Variants in GRIK4 observed in about 807,000 individuals in gnomAD.
The protein encoded by GRIK4 is glutamate receptor ionotropic, kainate 4.
Under a neutral mutation model 104.9 loss-of-function variants are expected in GRIK4, and 40 were observed. The ratio of observed to expected loss-of-function variants is 0.38; its 90% CI spans 0.30 to 0.50. The LOEUF (loss-of-function observed/expected upper bound fraction) is 0.50. GRIK4 is among the 20% of genes least tolerant of loss of function. The probability of loss-of-function intolerance (pLI) is 0.93; values close to 1 mark genes in which losing one functional copy is unlikely to be tolerated. For synonymous variants in GRIK4, 485 were observed against 524.9 expected (o/e 0.92, Z 1.04); for missense variants, 1,047 against 1,308.1 (o/e 0.80, Z 3.08).
At chr11:120,680,764 G>A (rs1248412890) in intron 3 of GRIK4, among the ~76,000 whole-genome samples, 1 of 152,212 alleles carries the variant, frequency 6.6e-6, no homozygotes, top group East Asian at 1.9e-4. Flanking sequence ...GAACATGCTG[G>A]ATAGAGGCGA....
chr11:120,589,955 A>G (rs1948714939), intron 1 of GRIK4, among the ~76,000 whole-genome samples: 5 of 152,136 alleles, frequency 3.3e-5, no homozygotes, highest in Admixed American at 3.3e-4. Flanking sequence ...GAGGGAGGTG[A>G]GGGTTGCAGG....
At chr11:120,528,934 TGAGCA>T (rs1184554746) in intron 1 of GRIK4, among the ~76,000 whole-genome samples, 1 of 152,178 alleles carries the variant, frequency 6.6e-6, no homozygotes, top group Non-Finnish European at 1.5e-5. Flanking sequence ...CACCATCTAT[TGAGCA>T]TGTGCCCATC....
At chr11:120,633,785 G>A (rs995664911) in intron 1 of GRIK4, among the ~76,000 whole-genome samples, 1 of 152,140 alleles carries the variant, frequency 6.6e-6, no homozygotes, top group African/African-American at 2.4e-5. Flanking sequence ...GGGTTTGCTG[G>A]GGAGAACCAA....
Position 120,953,080 on chromosome 11 carries a change from G to A in GRIK4, c.1700+116G>A. The A allele has an allele frequency of 1.5e-6, 1 of 685,402 alleles. No individual in the cohort carries two copies. Among genetic ancestry groups the A allele is most frequent in the Non-Finnish European group, 2.6e-6 (1 of 391,612 alleles). 42.5% of individuals were successfully genotyped at this position (685,402 alleles called of 1,614,324 possible). A position where few individuals can be genotyped will look rare whatever the true frequency, so the allele number is the denominator to read the frequency against. Reference sequence around the variant, plus strand: ...GGGAGGAGGAGTTGGGAAGATCTTGGTGCCAAACTAGAAGGACAGGAGAAG... The same window carrying A: ...GGGAGGAGGAGTTGGGAAGATCTTGATGCCAAACTAGAAGGACAGGAGAAG... On this transcript the variant is annotated intron_variant, in intron 15 of 20. Coordinates refer to ENST00000527524, the MANE Select transcript of GRIK4 (RefSeq NM_014619.5). The surrounding 1 kb of genome is among the most constrained non-coding windows in gnomAD (Gnocchi z 4.9).
Position 120,557,935 on chromosome 11 carries a change from G to A in GRIK4, c.-159+46048G>A, listed in dbSNP as rs375013409. Among the ~76,000 whole-genome samples, 73 of 150,526 alleles carry A rather than the reference G, an allele frequency of 4.8e-4. No individual in the cohort carries two copies. In the East Asian group the frequency reaches 8.1e-3, roughly 17 times the overall value. On this transcript the variant is annotated intron_variant, in intron 1 of 20. Coordinates refer to ENST00000527524, the MANE Select transcript of GRIK4 (RefSeq NM_014619.5). ...CGGGAGGCTGAGGCAGGAGAATGGC[G>A]TGAACCAGGGAGGCGGAGCTTGCAG... is the stretch of plus-strand genomic sequence containing the variant.
intron 8 of GRIK4, chr11:120,858,788 A>G (rs770883771): frequency 9.8e-5 from 15 of 152,296 alleles, no homozygotes; most frequent in Admixed American, 5.2e-4. Flanking sequence ...CTTTTAGACA[A>G]TAGTCTTCAA....
chr11:120,943,006 G>GCTAGAAATTCTAGC (rs1672164227), intron 14 of GRIK4, among the ~76,000 whole-genome samples: 1 of 151,886 alleles, frequency 6.6e-6, no homozygotes, highest in African/African-American at 2.4e-5. Flanking sequence ...GAGTTTCTAG[G>GCTAGAAATTCTAGC]CTGCCTGCCT....
chr11:120,559,080 G>C (rs897883517), intron 1 of GRIK4, among the ~76,000 whole-genome samples: 1 of 152,172 alleles, frequency 6.6e-6, no homozygotes, highest in East Asian at 1.9e-4. Flanking sequence ...CTCAGCTGGG[G>C]GTTGGCTGCT....
At chr11:120,784,226 C>T (rs967186535) in intron 3 of GRIK4, among the ~76,000 whole-genome samples, 1 of 152,192 alleles carries the variant, frequency 6.6e-6, no homozygotes, top group African/African-American at 2.4e-5. Flanking sequence ...GACTCGGAAC[C>T]CCCGTGTCCT....
rs550448871 is a variant in GRIK4 at position 120,953,852 on chromosome 11, A to C, written c.1700+888A>C. On this transcript the variant is annotated intron_variant, in intron 15 of 20. Transcript: ENST00000527524. The surrounding 1 kb of genome is among the most constrained non-coding windows in gnomAD (Gnocchi z 4.9). ...CTCACTCAGGTCCCTAGTGCTGCTA[A>C]CCCTCCACTTACTGCAGTGGAGGCT... Among the ~76,000 whole-genome samples, 1 of 152,238 alleles carries C rather than the reference A, an allele frequency of 6.6e-6. No individual in the cohort carries two copies. Among genetic ancestry groups the C allele is most frequent in the African/African-American group, 2.4e-5 (1 of 41,532 alleles).
intron 12 of GRIK4, among the ~76,000 whole-genome samples, chr11:120,901,344 T>C (rs1032466622): frequency 1.1e-4 from 17 of 149,624 alleles, no homozygotes; most frequent in African/African-American, 4.2e-4. Context: ...ATCCTGCCCC[T>C]CCCTGCCTTG....
chr11:120,874,267 G>A (rs1386358093), intron 10 of GRIK4, 49 bp downstream of exon 10: 2 of 1,501,226 alleles, frequency 1.3e-6, no homozygotes, highest in South Asian at 2.3e-5. Context: ...CTAGTGGGGT[G>A]GGACACTTGG....
intron 3 of GRIK4, among the ~76,000 whole-genome samples, chr11:120,756,684 C>T (rs1476026168): frequency 6.6e-6 from 1 of 152,140 alleles, no homozygotes; most frequent in Non-Finnish European, 1.5e-5. Flanking sequence ...CCATATTTTC[C>T]ATTGATCTAT....
intron 1 of GRIK4, among the ~76,000 whole-genome samples, chr11:120,536,546 T>C (rs1947977822): frequency 6.6e-6 from 1 of 152,210 alleles, no homozygotes; most frequent in Non-Finnish European, 1.5e-5. Context: ...TATCTGTTTA[T>C]TTATTCAGGT....
intron 13 of GRIK4, among the ~76,000 whole-genome samples, chr11:120,929,266 CAT>C (rs901798342): frequency 2.0e-5 from 3 of 152,086 alleles, no homozygotes; most frequent in Non-Finnish European, 4.4e-5. Context: ...CAGCCTGACT[CAT>C]GTGGCAGGAG....
chr11:120,986,573 T>G lies in GRIK4; in HGVS notation c.*313T>G. The G allele has an allele frequency of 3.1e-6, 1 of 320,348 alleles. No individual in the cohort carries two copies. Among genetic ancestry groups the G allele is most frequent in the Non-Finnish European group, 5.6e-6 (1 of 177,950 alleles). The allele number at this position is 320,348 out of a possible 1,614,324, so 19.8% of individuals were successfully genotyped here. ...AATAACAAGAGTATAGGGTGGGGGG[T>G]CCCTACCCAGACCAGTCCAATGAAT... On this transcript the variant is annotated 3_prime_UTR_variant, in exon 21 of 21. Transcript: ENST00000527524.
intron 1 of GRIK4, among the ~76,000 whole-genome samples, chr11:120,528,787 G>A (rs888892985): frequency 5.9e-5 from 9 of 152,242 alleles, no homozygotes; most frequent in African/African-American, 2.2e-4. Flanking sequence ...CTCATGAGAT[G>A]CTAGCATGAG....
chr11:120,983,485 T>C (rs1282504405), intron 20 of GRIK4, among the ~76,000 whole-genome samples: 1 of 152,202 alleles, frequency 6.6e-6, no homozygotes, highest in Admixed American at 6.5e-5. Context: ...GACTTTGGTG[T>C]GTCCCTTGAT....
intron 3 of GRIK4, among the ~76,000 whole-genome samples, chr11:120,681,002 C>T (rs938455396): frequency 3.3e-5 from 5 of 152,182 alleles, no homozygotes; most frequent in Non-Finnish European, 7.3e-5. Flanking sequence ...CCTGCACTGC[C>T]TGGCCCTGAT....
Sources: gnomAD v4.1 joint callset for allele counts (sites outside exome capture counted in the v4.1 genomes callset) on GRCh38, gnomAD v4.1.1 for gene constraint, Gnocchi (gnomAD v3.1) non-coding constraint, MANE v1.5 for transcripts, NCBI Gene and HGNC (gene_info 2026-07-23, HGNC 2026-07-21) for gene names.